The following PRDX1 variants were observed in gnomAD, a reference collection of about 807,000 sequenced individuals.
PRDX1 encodes the protein peroxiredoxin-1.
In PRDX1, 19 loss-of-function variants were observed where a neutral mutation model predicts 20.7. That is an observed-to-expected ratio of 0.92 (90% confidence interval 0.64 to 1.35). The LOEUF is 1.35. PRDX1 is among the 40% of genes most tolerant of loss of function. The pLI, the probability that PRDX1 is intolerant of heterozygous loss-of-function variation, is 0.00. For synonymous variants in PRDX1, 89 were observed against 83.9 expected (o/e 1.06, Z -0.33); for missense variants, 226 against 240.0 (o/e 0.94, Z 0.38).
Position 45,511,357 on chromosome 1 carries a change from C to T in PRDX1, c.572G>A (p.Ser191Asn). ...CTTCTGCTTGGAGAAATATTCTTTGCTCTTTTGGACATCAGGCTTGATGGT... is the reference window on the plus strand; with the variant it reads ...CTTCTGCTTGGAGAAATATTCTTTGTTCTTTTGGACATCAGGCTTGATGGT... ...SDTIKPDVQK[S>N]KEYFSKQK Residue 191 changes from serine to asparagine, a missense_variant, in exon 6 of 6, where the codon AGC (serine) becomes AAC (asparagine). Coordinates refer to ENST00000319248, the MANE Select transcript of PRDX1 (RefSeq NM_181697.3). 2 of 1,613,094 alleles carry T rather than the reference C, an allele frequency of 1.2e-6. No individual in the cohort carries two copies. The highest frequency in any genetic ancestry group is 1.7e-6 in the Non-Finnish European group (2 of 1,179,634).
At chr1:45,514,455 C>A in intron 5 of PRDX1, 52 bp downstream of exon 5, 1 of 1,603,500 alleles carries the variant, frequency 6.2e-7, no homozygotes. Flanking sequence ...AAGGGGCAAC[C>A]CACCCCTTCA....
intron 1 of PRDX1, among the ~76,000 whole-genome samples, chr1:45,519,770 G>C (rs1412515907): frequency 6.6e-6 from 1 of 151,928 alleles, no homozygotes; most frequent in Non-Finnish European, 1.5e-5. Flanking sequence ...TAATTTTTTT[G>C]TACTTCTATT....
chr1:45,514,354 C>T (rs1643818392), intron 5 of PRDX1, among the ~76,000 whole-genome samples, 153 bp downstream of exon 5: 1 of 152,072 alleles, frequency 6.6e-6, no homozygotes, highest in South Asian at 2.1e-4. Flanking sequence ...ACACTGGTCC[C>T]CTGGGCCCCC....
At chr1:45,513,404 C>T (rs1269530739) in intron 5 of PRDX1, 2 of 152,180 alleles carry the variant, frequency 1.3e-5, no homozygotes, top group African/African-American at 4.8e-5. Flanking sequence ...TTTCCATTAC[C>T]CTCACCCTCA....
chr1:45,514,058 T>C (rs142289589), intron 5 of PRDX1, among the ~76,000 whole-genome samples: 281 of 152,274 alleles, frequency 1.8e-3, no homozygotes, highest in Non-Finnish European at 2.9e-3. Context: ...GTATGTTCCA[T>C]CTACTGAGAC....
rs757696185 is a variant in PRDX1, at chr1:45,511,135, C to T, written c.*194G>A. On this transcript the variant is annotated 3_prime_UTR_variant, in exon 6 of 6. Transcript: ENST00000319248. ...ATACAAACCAGTAGCCTGCCCACAA[C>T]GCCAACTCAGGCCATTCCTACCAAA... 3.8e-5 allele frequency: 20 copies of T among 530,342 alleles called. No homozygotes were observed. The highest frequency in any genetic ancestry group is 1.5e-4 in the East Asian group (5 of 33,426). 32.9% of individuals were successfully genotyped at this position (530,342 alleles called of 1,614,324 possible). A position where few individuals can be genotyped will look rare whatever the true frequency, so the allele number is the denominator to read the frequency against.
At chr1:45,520,034 G>A (rs1233056502) in intron 1 of PRDX1, among the ~76,000 whole-genome samples, 20 of 151,948 alleles carry the variant, frequency 1.3e-4, no homozygotes, top group East Asian at 1.9e-4. Context: ...GTGAAACCCC[G>A]TCTCTACTAG....
At chr1:45,519,119 TACTTAAAGAG>T in intron 1 of PRDX1, 65 bp from the exon 2 acceptor site, 1 of 1,141,428 alleles carries the variant, frequency 8.8e-7, no homozygotes, top group Non-Finnish European at 1.3e-6. Context: ...AGCCTTCACC[TACTTAAAGAG>T]ACTTAGCTGT....
chr1:45,515,891 A>G lies in PRDX1; in HGVS notation c.107-84T>C. ...TTCCTATACAAAAAGAAGCAAGTTG[A>G]TGGCTGACACAATAACCACTAACTG... On this transcript the variant is annotated intron_variant, in intron 2 of 5. Coordinates refer to ENST00000319248, the MANE Select transcript of PRDX1 (RefSeq NM_181697.3). 2.3e-6 allele frequency: 3 copies of G among 1,326,400 alleles called. No individual in the cohort carries two copies. The African/African-American group carries it at 4.6e-5, about 20-fold the overall frequency. The allele number at this position is 1,326,400 out of a possible 1,614,324, so 82.2% of individuals were successfully genotyped here. A position where few individuals can be genotyped will look rare whatever the true frequency, so the allele number is the denominator to read the frequency against.
chr1:45,521,933 A>C (rs1479203864), upstream of PRDX1: 1 of 152,202 alleles, frequency 6.6e-6, no homozygotes, highest in African/African-American at 2.4e-5. Flanking sequence ...GGATCTCGCG[A>C]GAGTCGGAAC....
In PRDX1 at chr1:45,519,012, G is replaced by C. The variant is rs11544934; in HGVS notation, c.32C>G (p.Pro11Arg). 41 of 1,599,640 alleles carry C rather than the reference G, an allele frequency of 2.6e-5. No homozygotes were observed. The highest frequency in any genetic ancestry group is 3.4e-5 in the Non-Finnish European group (40 of 1,175,680). Residue 11 changes from proline to arginine, a missense_variant, in exon 2 of 6, where the codon CCT (proline) becomes CGT (arginine). Physicochemically the swap from Pro to Arg is moderately radical, Grantham distance 103 (BLOSUM62 -2). Transcript: ENST00000319248. Reference sequence around the variant, plus strand: ...AGCTGTGGCTTTGAAGTTGGGGGCAGGGTGCCCAATTTTAGCATTTCCTGA... The same window carrying C: ...AGCTGTGGCTTTGAAGTTGGGGGCACGGTGCCCAATTTTAGCATTTCCTGA... MSSGNAKIGH[P>R]APNFKATAVM...
rs188367071 is a variant in PRDX1 at position 45,517,422 on chromosome 1, G to A, written c.106+1516C>T. Among the ~76,000 whole-genome samples the A allele has an allele frequency of 9.4e-4, 143 of 152,220 alleles. 1 individual carries two copies. Among genetic ancestry groups the A allele is most frequent in the Non-Finnish European group, 5.0e-4 (34 of 68,016 alleles). Reference sequence around the variant, plus strand: ...CTCAACTGTCCCAGGAGATCGAGCTGCTCTGGAACTACAAGGTAAAGAAAG... The same window carrying A: ...CTCAACTGTCCCAGGAGATCGAGCTACTCTGGAACTACAAGGTAAAGAAAG... On this transcript the variant is annotated intron_variant, in intron 2 of 5. Coordinates refer to ENST00000319248, the MANE Select transcript of PRDX1 (RefSeq NM_181697.3).
Position 45,514,983 on chromosome 1 carries a change from A to G in PRDX1, c.273T>C (p.Pro91=), listed in dbSNP as rs1570846582. The change falls in exon 4 of 6, where the codon CCT becomes CCC. Residue 91 remains proline, a synonymous_variant. Coordinates refer to ENST00000319248, the MANE Select transcript of PRDX1 (RefSeq NM_181697.3). The stretch of plus-strand genomic sequence containing the variant: ...TGGGTCCCAGTCCTCCTTGTTTCTT[A>G]GGTGTATTGACCCTATGGCAAAAGG... The part of the protein sequence containing the change: ...HFCHLAWVNT[P]KKQGGLGPMN... 3 of 1,614,228 alleles carry G rather than the reference A, an allele frequency of 1.9e-6. No individual in the cohort carries two copies. The highest frequency in any genetic ancestry group is 2.5e-6 in the Non-Finnish European group (3 of 1,180,030).
chr1:45,517,278 T>A (rs1475818416), intron 2 of PRDX1, among the ~76,000 whole-genome samples: 1 of 152,170 alleles, frequency 6.6e-6, no homozygotes, highest in Non-Finnish European at 1.5e-5. Flanking sequence ...AGTGTGATTA[T>A]GTCAGGAAAC....
intron 2 of PRDX1, among the ~76,000 whole-genome samples, chr1:45,517,258 C>T (rs952341497): frequency 4.6e-5 from 7 of 152,008 alleles, no homozygotes; most frequent in Non-Finnish European, 8.8e-5. Flanking sequence ...GGGAGAAGCC[C>T]CAAGAACAAA....
At chr1:45,520,547 A>AC (rs1209849538) in intron 1 of PRDX1, among the ~76,000 whole-genome samples, 1 of 151,870 alleles carries the variant, frequency 6.6e-6, no homozygotes, top group African/African-American at 2.4e-5. Flanking sequence ...TCATAGTGAA[A>AC]CCCCGTCTCT....
chr1:45,514,766 C>A lies in PRDX1; in HGVS notation c.383+107G>T. 6 of 1,568,628 alleles carry A rather than the reference C, an allele frequency of 3.8e-6. No homozygotes were observed. The Middle Eastern group carries it at 5.1e-4, about 133-fold the overall frequency. On this transcript the variant is annotated intron_variant, in intron 4 of 5. Coordinates refer to ENST00000319248, the MANE Select transcript of PRDX1 (RefSeq NM_181697.3). ...TACTGGCCTGGCCTTAGTGAGGAGG[C>A]CCCTGCATAAAGGAATGAAATGACA...
In PRDX1 at chr1:45,514,894, G is replaced by A. The variant is rs758272934; in HGVS notation, c.362C>T (p.Ala121Val). The A allele has an allele frequency of 1.2e-6, 2 of 1,614,062 alleles. No individual in the cohort carries two copies. Among genetic ancestry groups the A allele is most frequent in the African/African-American group, 2.7e-5 (2 of 74,944 alleles). The change falls in exon 4 of 6, where the codon GCT (alanine) becomes GTT (valine). Residue 121 changes from alanine (A) to valine (V), a missense_variant. Coordinates refer to ENST00000319248, the MANE Select transcript of PRDX1 (RefSeq NM_181697.3). Reference protein sequence around the residue: ...TIAQDYGVLKADEGISFRGLF... With the variant: ...TIAQDYGVLKVDEGISFRGLF... ...ATACCTGAACGAGATGCCTTCATCAGCCTTTAAGACCCCATAATCCTGAGC... is the reference window on the plus strand; with the variant it reads ...ATACCTGAACGAGATGCCTTCATCAACCTTTAAGACCCCATAATCCTGAGC...
chr1:45,514,992 G>C lies in PRDX1; in HGVS notation c.264C>G (p.Val88=). 4.3e-6 allele frequency: 7 copies of C among 1,614,076 alleles called. No homozygotes were observed. Among genetic ancestry groups the C allele is most frequent in the Non-Finnish European group, 5.9e-6 (7 of 1,179,996 alleles). The part of the protein sequence containing the change: ...VDSHFCHLAW[V]NTPKKQGGLG... ...GTCCTCCTTGTTTCTTAGGTGTATT[G>C]ACCCTATGGCAAAAGGCAAACATAC... The change falls in exon 4 of 6, where the codon GTC becomes GTG. Residue 88 remains valine, a synonymous_variant. Coordinates refer to ENST00000319248, the MANE Select transcript of PRDX1 (RefSeq NM_181697.3).
Sources: gnomAD v4.1 joint callset for allele counts (sites outside exome capture counted in the v4.1 genomes callset) on GRCh38, gnomAD v4.1.1 for gene constraint, MANE v1.5 for transcripts, NCBI Gene and HGNC (gene_info 2026-07-23, HGNC 2026-07-21) for gene names.